OR14A2: variants seen among roughly 807,000 people sequenced by gnomAD.
The protein encoded by OR14A2 is olfactory receptor family 14 subfamily A member 2.
For synonymous variants in OR14A2, 114 were observed against 58.6 expected, an observed-to-expected ratio of 1.95 and a Z score of -4.32; for missense variants, 237 against 152.9, an observed-to-expected ratio of 1.55 and a Z score of -2.90.
chr1:247,745,208 A>G, the OR14A2 span, among the ~76,000 whole-genome samples: 1 of 152,220 alleles, frequency 6.6e-6, no homozygotes, highest in African/African-American at 2.4e-5. Flanking sequence ...ATTGTGATCT[A>G]TAATTAGGTA....
chr1:247,733,216 T>A, the OR14A2 span, among the ~76,000 whole-genome samples: 1 of 152,130 alleles, frequency 6.6e-6, no homozygotes, highest in Non-Finnish European at 1.5e-5. Context: ...TTCACCTGTC[T>A]CTCTAGATTT....
the OR14A2 span, among the ~76,000 whole-genome samples, chr1:247,731,759 G>A: frequency 7.9e-5 from 12 of 151,960 alleles, no homozygotes; most frequent in African/African-American, 2.9e-4. Context: ...GATTTCACAT[G>A]TATTGAAAAC....
chr1:247,745,548 AC>A, the OR14A2 span, among the ~76,000 whole-genome samples: 1 of 152,140 alleles, frequency 6.6e-6, no homozygotes, highest in Non-Finnish European at 1.5e-5. Flanking sequence ...AATCTCATGG[AC>A]AAAATGTAAT....
chr1:247,731,495 A>G, the OR14A2 span, among the ~76,000 whole-genome samples: 2 of 151,942 alleles, frequency 1.3e-5, no homozygotes, highest in Non-Finnish European at 2.9e-5. Flanking sequence ...AGCACCTTGT[A>G]CCTACAGATT....
the OR14A2 span, among the ~76,000 whole-genome samples, chr1:247,732,018 T>C: frequency 6.6e-6 from 1 of 152,192 alleles, no homozygotes; most frequent in Non-Finnish European, 1.5e-5. Context: ...AGCCATTTCT[T>C]CATTGGTCTT....
At chr1:247,741,059 A>G in the OR14A2 span, among the ~76,000 whole-genome samples, 4 of 152,286 alleles carry the variant, frequency 2.6e-5, no homozygotes, top group East Asian at 7.7e-4. Flanking sequence ...ATTCTACCCA[A>G]ATATTAAAAT....
the OR14A2 span, among the ~76,000 whole-genome samples, chr1:247,747,359 C>CT: frequency 0.11 from 14,844 of 136,328 alleles, 1,072 homozygotes; most frequent in African/African-American, 0.2. Flanking sequence ...AATGCGAAGA[C>CT]TTTTTTTTTT....
chr1:247,747,509 T>C, the OR14A2 span, among the ~76,000 whole-genome samples: 7 of 151,756 alleles, frequency 4.6e-5, no homozygotes, highest in Non-Finnish European at 5.9e-5. Flanking sequence ...CTACAGGCGC[T>C]CGCCACCACG....
the OR14A2 span, among the ~76,000 whole-genome samples, chr1:247,742,035 G>A: frequency 2.0e-5 from 3 of 152,112 alleles, no homozygotes; most frequent in Admixed American, 6.5e-5. Flanking sequence ...AAGGAATTCC[G>A]AGTATCTGGA....
At chr1:247,739,701 T>C in the OR14A2 span, 2 of 578,678 alleles carry the variant, frequency 3.5e-6, no homozygotes, top group Admixed American at 3.4e-5. Flanking sequence ...TTAATAGAAA[T>C]AGAAAGCAAC....
the OR14A2 span, among the ~76,000 whole-genome samples, chr1:247,731,774 T>A: frequency 4.6e-5 from 7 of 152,008 alleles, no homozygotes; most frequent in African/African-American, 1.7e-4. Context: ...GAAAACATAT[T>A]TTTTTTTCTT....
chr1:247,741,322 G>A, the OR14A2 span, among the ~76,000 whole-genome samples: 2 of 152,142 alleles, frequency 1.3e-5, no homozygotes, highest in African/African-American at 4.8e-5. Flanking sequence ...TACTCTTACA[G>A]TGCAGTTCAC....
the OR14A2 span, among the ~76,000 whole-genome samples, chr1:247,739,926 G>A: frequency 2.0e-5 from 3 of 152,050 alleles, no homozygotes; most frequent in Non-Finnish European, 4.4e-5. Context: ...GGCCAGGCTG[G>A]TCTTGAATTC....
At chr1:247,738,037 G>A in the OR14A2 span, among the ~76,000 whole-genome samples, 1 of 151,894 alleles carries the variant, frequency 6.6e-6, no homozygotes, top group Non-Finnish European at 1.5e-5. Context: ...ATGGACTAAA[G>A]AAAGAAAAAA....
chr1:247,727,949 A>G (rs1485577883), upstream of OR14A2, among the ~76,000 whole-genome samples: 3 of 144,348 alleles, frequency 2.1e-5, no homozygotes, highest in Admixed American at 2.0e-4. Context: ...CCAACCAAAA[A>G]GAGTCCAGGA....
the OR14A2 span, among the ~76,000 whole-genome samples, chr1:247,733,565 C>A: frequency 6.6e-6 from 1 of 152,132 alleles, no homozygotes; most frequent in Non-Finnish European, 1.5e-5. Flanking sequence ...TAACAAAAGC[C>A]CTTTCTGCCT....
At chr1:247,723,487 G>C (rs1342331556) in exon 1 of OR14A2, 1 of 717,572 alleles carries the variant, frequency 1.4e-6, no homozygotes, top group East Asian at 2.7e-5. Flanking sequence ...TTCAGAACAG[G>C]AAATCCTTAG....
chr1:247,747,625 G>T, the OR14A2 span, among the ~76,000 whole-genome samples: 7 of 152,084 alleles, frequency 4.6e-5, no homozygotes. Context: ...GCCTCCCAAA[G>T]TGCTGGGATT....
At chr1:247,723,340 G>A (rs1182133469) in exon 1 of OR14A2, 1 of 717,510 alleles carries the variant, frequency 1.4e-6, no homozygotes, top group Non-Finnish European at 2.6e-6. Context: ...TGTGGAAAAA[G>A]CTTTGGACTG....
Sources: gnomAD v4.1 joint callset for allele counts (sites outside exome capture counted in the v4.1 genomes callset) on GRCh38, gnomAD v4.1.1 for gene constraint, MANE v1.5 for transcripts, NCBI Gene and HGNC (gene_info 2026-07-23, HGNC 2026-07-21) for gene names.